The following CTNNBL1 variants were observed in gnomAD, a reference collection of about 807,000 sequenced individuals.
The protein encoded by CTNNBL1 is beta-catenin-like protein 1.
A neutral mutation model predicts 72.7 loss-of-function variants in CTNNBL1; 31 were observed. That is an observed-to-expected ratio of 0.43 (90% CI 0.32 to 0.58). CTNNBL1 has a LOEUF of 0.58. CTNNBL1 is among the 20% of genes least tolerant of loss of function. The pLI, the probability that CTNNBL1 is intolerant of heterozygous loss-of-function variation, is 0.08. For missense variants in CTNNBL1, 534 were observed against 725.1 expected, an observed-to-expected ratio of 0.74 and a Z score of 3.03; for synonymous variants, 240 against 267.3, an observed-to-expected ratio of 0.90 and a Z score of 1.00.
rs137960947 is a variant in CTNNBL1, at chr20:37,761,974, C to A, written c.565-3223C>A. The stretch of plus-strand genomic sequence containing the variant: ...GGGAGAAAGCAGAGTCAGGGCCAGA[C>A]CACGCTGGGCTCTGTGGGCCTTGGT... On this transcript the variant is annotated intron_variant, in intron 5 of 15. Coordinates refer to ENST00000361383, the MANE Select transcript of CTNNBL1 (RefSeq NM_030877.5). 2.3e-3 allele frequency among the ~76,000 whole-genome samples: 356 copies of A among 152,326 alleles called. 3 individuals are homozygous for A. The highest frequency in any genetic ancestry group is 8.1e-3 in the African/African-American group (337 of 41,576).
chr20:37,846,267 G>A (rs2072346485), intron 13 of CTNNBL1, among the ~76,000 whole-genome samples: 1 of 152,106 alleles, frequency 6.6e-6, no homozygotes, highest in South Asian at 2.1e-4. Context: ...CCAGCCTGGA[G>A]TGAAACAGCA....
At chr20:37,863,124 A>C (rs2072505944) in intron 15 of CTNNBL1, among the ~76,000 whole-genome samples, 2 of 152,210 alleles carry the variant, frequency 1.3e-5, no homozygotes, top group Admixed American at 6.5e-5. Context: ...TTAACGTAGC[A>C]AACATTGACT....
chr20:37,796,062 T>G (rs776606259), intron 10 of CTNNBL1, among the ~76,000 whole-genome samples: 2 of 152,202 alleles, frequency 1.3e-5, no homozygotes, highest in Non-Finnish European at 2.9e-5. Flanking sequence ...GCCTCGCTAC[T>G]GAAGCACTAC....
intron 1 of CTNNBL1, among the ~76,000 whole-genome samples, chr20:37,724,542 G>C (rs2073067136): frequency 3.9e-5 from 6 of 152,138 alleles, no homozygotes; most frequent in Admixed American, 3.9e-4. Flanking sequence ...TAGGGAGGAG[G>C]TGAGTGTCTG....
chr20:37,746,206 C>T (rs1015747282), intron 3 of CTNNBL1, among the ~76,000 whole-genome samples: 3 of 152,116 alleles, frequency 2.0e-5, no homozygotes, highest in South Asian at 2.1e-4. Context: ...CAAAATGCTT[C>T]GGGAGCCTCT....
At position 37,764,714 on chromosome 20, in the gene CTNNBL1, A is replaced by G. The variant is rs556830640; in HGVS notation, c.565-483A>G. ...TTTCATAAAAGCTTAGCAAGGAAAC[A>G]GGAATGTTTTGAGGTCAACATAGAA... On this transcript the variant is annotated intron_variant, in intron 5 of 15. Coordinates refer to ENST00000361383, the MANE Select transcript of CTNNBL1 (RefSeq NM_030877.5). Among the ~76,000 whole-genome samples, 27 of 152,370 alleles carry G rather than the reference A, an allele frequency of 1.8e-4. No homozygotes were observed. In the South Asian group the frequency reaches 2.3e-3, roughly 13 times the overall value.
chr20:37,783,141 G>A (rs1424751647), intron 10 of CTNNBL1, among the ~76,000 whole-genome samples: 2 of 152,100 alleles, frequency 1.3e-5, no homozygotes, highest in East Asian at 3.9e-4. Flanking sequence ...GAACTCCTGA[G>A]CTCAAGCTAT....
At chr20:37,710,861 A>G (rs2072931390) in intron 1 of CTNNBL1, among the ~76,000 whole-genome samples, 1 of 152,096 alleles carries the variant, frequency 6.6e-6, no homozygotes, top group Non-Finnish European at 1.5e-5. Context: ...TCACCAGTTT[A>G]TGCCTCTGCT....
At chr20:37,779,694 T>C (rs987701783) in intron 10 of CTNNBL1, among the ~76,000 whole-genome samples, 1 of 152,166 alleles carries the variant, frequency 6.6e-6, no homozygotes, top group African/African-American at 2.4e-5. Flanking sequence ...ATATATCACA[T>C]AGACCTATCT....
chr20:37,718,532 G>A, intron 1 of CTNNBL1, among the ~76,000 whole-genome samples: 1 of 148,416 alleles, frequency 6.7e-6, no homozygotes, highest in Admixed American at 6.7e-5. Flanking sequence ...CCCAGTAGGG[G>A]CGGCCGGGCA....
chr20:37,771,441 G>C (rs2073522696), intron 7 of CTNNBL1, among the ~76,000 whole-genome samples: 1 of 152,158 alleles, frequency 6.6e-6, no homozygotes, highest in Admixed American at 6.5e-5. Context: ...TACCCATTCA[G>C]AAACTTACCT....
intron 4 of CTNNBL1, chr20:37,750,244 C>T (rs911137985): frequency 6.6e-6 from 1 of 152,344 alleles, no homozygotes; most frequent in African/African-American, 2.4e-5. Flanking sequence ...GCCTCATCTG[C>T]CCCCTTGAGA....
chr20:37,768,702 T>C (rs749145193), intron 7 of CTNNBL1, among the ~76,000 whole-genome samples: 2 of 152,226 alleles, frequency 1.3e-5, no homozygotes, highest in Non-Finnish European at 1.5e-5. Flanking sequence ...TCTTACAGTA[T>C]GTTGTTATAA....
intron 11 of CTNNBL1, among the ~76,000 whole-genome samples, chr20:37,808,724 T>C (rs1270018961): frequency 6.6e-6 from 1 of 152,168 alleles, no homozygotes; most frequent in African/African-American, 2.4e-5. Flanking sequence ...AACCTTCATC[T>C]ATCTGTGGTT....
chr20:37,803,422 G>A (rs2073838704), intron 11 of CTNNBL1, among the ~76,000 whole-genome samples: 1 of 152,174 alleles, frequency 6.6e-6, no homozygotes, highest in African/African-American at 2.4e-5. Context: ...ATGTATTTCT[G>A]TACTAAAGTA....
chr20:37,727,247 A>G (rs777900099), intron 1 of CTNNBL1: 3 of 634,296 alleles, frequency 4.7e-6, no homozygotes, highest in Non-Finnish European at 5.9e-6. Context: ...TTGCTTATTT[A>G]ATTTTTTTAA....
intron 10 of CTNNBL1, among the ~76,000 whole-genome samples, chr20:37,795,487 C>T (rs2073765242): frequency 6.6e-6 from 1 of 152,034 alleles, no homozygotes. Context: ...GTATATTAGG[C>T]TATTTGAAAT....
At position 37,779,351 on chromosome 20, in the gene CTNNBL1, C is replaced by T. The variant is rs748090201; in HGVS notation, c.1031+16C>T. ...TCATGCTCAGGTATGTTTCGAATGCCCTAGTTCTCCCACCTTTTTTGCCTG... is the reference window on the plus strand; with the variant it reads ...TCATGCTCAGGTATGTTTCGAATGCTCTAGTTCTCCCACCTTTTTTGCCTG... On this transcript the variant is annotated intron_variant, in intron 10 of 15. Coordinates refer to ENST00000361383, the MANE Select transcript of CTNNBL1 (RefSeq NM_030877.5). 8.7e-6 allele frequency: 14 copies of T among 1,609,012 alleles called. No homozygotes were observed. In the Admixed American group the frequency reaches 1.8e-4, roughly 21 times the overall value.
intron 1 of CTNNBL1, among the ~76,000 whole-genome samples, chr20:37,731,573 G>A (rs1195590226): frequency 2.0e-5 from 3 of 152,024 alleles, no homozygotes; most frequent in Non-Finnish European, 4.4e-5. Flanking sequence ...ATTTCCCTCC[G>A]TCTCCCTTCC....
Sources: gnomAD v4.1 joint callset for allele counts (sites outside exome capture counted in the v4.1 genomes callset) on GRCh38, gnomAD v4.1.1 for gene constraint, MANE v1.5 for transcripts, NCBI Gene and HGNC (gene_info 2026-07-23, HGNC 2026-07-21) for gene names.